The following RPS9 variants were observed in gnomAD, a reference collection of about 807,000 sequenced individuals.
RPS9 encodes small ribosomal subunit protein uS4.
Under a neutral mutation model 16.9 loss-of-function variants are expected in RPS9, and 1 was observed. The observed-to-expected ratio is 0.06, with a 90% CI of 0.02 to 0.28. The LOEUF (loss-of-function observed/expected upper bound fraction) is 0.28, where lower values mean the gene tolerates loss of function less well. Ranked by LOEUF, RPS9 falls within the 10% of genes least tolerant of loss-of-function variation. The pLI, the probability that RPS9 is intolerant of heterozygous loss-of-function variation, is 1.00. For synonymous variants in RPS9, 106 were observed against 110.9 expected (o/e 0.96, Z 0.28); for missense variants, 137 against 273.2 (o/e 0.50, Z 3.51).
intron 3 of RPS9, 106 bp from the exon 4 acceptor site, chr19:54,206,170 T>G: frequency 9.0e-7 from 1 of 1,115,710 alleles, no homozygotes; most frequent in African/African-American, 1.6e-5. Context: ...GTACTACTTG[T>G]GCCTCACCGC....
At chr19:54,202,298 G>A (rs1187042996) in intron 3 of RPS9, 3 of 379,220 alleles carry the variant, frequency 7.9e-6, no homozygotes, top group Admixed American at 1.3e-4. Flanking sequence ...CGATTCTCCT[G>A]TCTTAGCCTC....
In RPS9 at chr19:54,201,202, C is replaced by A; in HGVS notation, c.18C>A (p.Ser6Arg). The A allele has an allele frequency of 6.2e-7, 1 of 1,609,268 alleles. No homozygotes were observed. Among genetic ancestry groups the A allele is most frequent in the Non-Finnish European group, 8.5e-7 (1 of 1,176,338 alleles). Reference sequence around the variant, plus strand: ...GAGCCAACATGCCAGTGGCCCGGAGCTGGGTTTGTCGCAAAACTTATGTGA... The same window carrying A: ...GAGCCAACATGCCAGTGGCCCGGAGATGGGTTTGTCGCAAAACTTATGTGA... MPVARSWVCRKTYVTP... is the reference protein window; with the variant it reads MPVARRWVCRKTYVTP... Residue 6 changes from serine to arginine, a missense_variant, in exon 2 of 5, where the codon AGC becomes AGA. Ser to Arg is a moderately radical substitution (Grantham distance 110, BLOSUM62 -1). Around this residue, in one of 3 missense-constraint regions of RPS9, gnomAD observed 64 missense variants for 164.0 expected, o/e 0.39. Transcript: ENST00000302907.
At chr19:54,205,112 C>T (rs997247232) in intron 3 of RPS9, among the ~76,000 whole-genome samples, 2 of 152,038 alleles carry the variant, frequency 1.3e-5, no homozygotes, top group Non-Finnish European at 2.9e-5. Flanking sequence ...TAGTAAGAGC[C>T]ACTTTTTATA....
In RPS9 at chr19:54,204,761, G is replaced by T. The variant is rs138318998; in HGVS notation, c.221-1515G>T. ...ATGTAAAGACAAAAAGGCGTGAAGTGTCCAAAGAGGTAAATGGTCCCAAAC... is the reference window on the plus strand; with the variant it reads ...ATGTAAAGACAAAAAGGCGTGAAGTTTCCAAAGAGGTAAATGGTCCCAAAC... On this transcript the variant is annotated intron_variant, in intron 3 of 4. Transcript: ENST00000302907. Among the ~76,000 whole-genome samples, 18 of 152,300 alleles carry T rather than the reference G, an allele frequency of 1.2e-4. No homozygotes were observed. In the East Asian group the frequency reaches 2.1e-3, roughly 18 times the overall value.
At chr19:54,204,864 A>T (rs1263032349) in intron 3 of RPS9, among the ~76,000 whole-genome samples, 3 of 152,192 alleles carry the variant, frequency 2.0e-5, no homozygotes, top group Non-Finnish European at 2.9e-5. Context: ...TTGAGTTAAA[A>T]AAGAACAAAA....
intron 3 of RPS9, chr19:54,202,233 G>A (rs186533659): frequency 1.2e-5 from 2 of 165,470 alleles, no homozygotes; most frequent in Admixed American, 1.3e-4. Context: ...TGCCCATGCT[G>A]GAGTGTAGTT....
Position 54,206,256 on chromosome 19 carries a change from TTTC to T in RPS9, c.221-19_221-17del. Reference sequence around the variant, plus strand: ...CTGAGGTCAGAAGGCGGAATCAGTGTTTCCTCCCACTCTTCCCAGGCAACGCCC... The same window carrying T: ...CTGAGGTCAGAAGGCGGAATCAGTGTCTCCCACTCTTCCCAGGCAACGCCC... On this transcript the variant is annotated splice_polypyrimidine_tract_variant and intron_variant, in intron 3 of 4. Transcript: ENST00000302907. 1.9e-6 allele frequency: 3 copies of T among 1,607,876 alleles called. No individual in the cohort carries two copies. Among genetic ancestry groups the T allele is most frequent in the Non-Finnish European group, 2.6e-6 (3 of 1,175,330 alleles).
chr19:54,204,460 G>C (rs2077173344), intron 3 of RPS9, among the ~76,000 whole-genome samples: 1 of 152,196 alleles, frequency 6.6e-6, no homozygotes, highest in Non-Finnish European at 1.5e-5. Flanking sequence ...CTGGAGCACA[G>C]TGGCATGGTC....
At chr19:54,201,038 T>G (rs1181990623) in intron 1 of RPS9, 122 bp from the exon 2 acceptor site, 2 of 1,484,448 alleles carry the variant, frequency 1.3e-6, no homozygotes, top group Non-Finnish European at 8.9e-7. Context: ...AGATACTGAC[T>G]ATGAGAGCGT....
chr19:54,204,306 A>G (rs2077167574), intron 3 of RPS9, among the ~76,000 whole-genome samples: 2 of 152,232 alleles, frequency 1.3e-5, no homozygotes, highest in Admixed American at 1.3e-4. Flanking sequence ...CGGAGTTTGC[A>G]GTGAGCCGAG....
intron 3 of RPS9, chr19:54,202,618 C>G: frequency 1.0e-6 from 1 of 985,382 alleles, no homozygotes; most frequent in African/African-American, 1.7e-5. Flanking sequence ...AAAATCTACT[C>G]TGAGATGCGG....
chr19:54,203,131 C>A lies in RPS9; in HGVS notation c.220+1522C>A, dbSNP rs1049582655. The A allele has an allele frequency of 1.1e-5, 11 of 968,980 alleles. No homozygotes were observed. In the African/African-American group the frequency reaches 1.9e-4, roughly 17 times the overall value. 60.0% of individuals were successfully genotyped at this position (968,980 alleles called of 1,614,324 possible). On this transcript the variant is annotated intron_variant, in intron 3 of 4. Coordinates refer to ENST00000302907, the MANE Select transcript of RPS9 (RefSeq NM_001013.4). The stretch of plus-strand genomic sequence containing the variant: ...TGTGGGGAGTGGGCTATAGCTGGTT[C>A]TGGTTTTAGGGAGGACTTTCTGGAC...
At chr19:54,206,632 GC>G (rs773855382) in intron 4 of RPS9, 170 bp downstream of exon 4, 37 of 1,550,712 alleles carry the variant, frequency 2.4e-5, no homozygotes, top group Non-Finnish European at 3.2e-5. Context: ...AGCTGGGGCA[GC>G]CTCTTGCCCC....
intron 3 of RPS9, chr19:54,202,044 C>G (rs67627137): frequency 0.31 from 49,406 of 160,684 alleles, 8,923 homozygotes; most frequent in East Asian, 0.43. Flanking sequence ...TCTTTTGAGA[C>G]GGAGTCTTGC....
intron 3 of RPS9, chr19:54,201,925 T>G: frequency 2.7e-6 from 1 of 374,230 alleles, no homozygotes; most frequent in Non-Finnish European, 4.8e-6. Context: ...TGCTAGTGGA[T>G]GAGAGTAGAC....
chr19:54,202,971 T>C, intron 3 of RPS9: 1 of 966,362 alleles, frequency 1.0e-6, no homozygotes, highest in Non-Finnish European at 1.2e-6. Flanking sequence ...GTGCTGGGGT[T>C]ACAGGTGTAA....
intron 3 of RPS9, among the ~76,000 whole-genome samples, chr19:54,204,800 C>G (rs1600760833): frequency 6.6e-6 from 1 of 152,002 alleles, no homozygotes; most frequent in Admixed American, 6.6e-5. Context: ...TTTTCATTGC[C>G]TTTTGGACAT....
In RPS9 at chr19:54,207,439, G is replaced by A. The variant is rs549353125; in HGVS notation, c.449G>A (p.Arg150His). The A allele has an allele frequency of 1.2e-6, 2 of 1,613,628 alleles. No homozygotes were observed. The highest frequency in any genetic ancestry group is 1.7e-6 in the Non-Finnish European group (2 of 1,179,858). ...QVVNIPSFIV[R>H]LDSQKHIDFS... ...GTGAACATCCCGTCCTTCATTGTCC[G>A]CCTGGATTCCCAGAAGCACATCGAC... is the stretch of plus-strand genomic sequence containing the variant. Residue 150 changes from arginine (R) to histidine (H), a missense_variant, in exon 5 of 5, where the codon CGC (arginine) becomes CAC (histidine). Transcript: ENST00000302907.
rs374326081 is a variant in RPS9, at chr19:54,202,372, A to G, written c.220+763A>G. ...GGCTAATTTTCTATTATTAGTGGAG[A>G]TGGGTTTTCACCATGTTGTCCAGGC... On this transcript the variant is annotated intron_variant, in intron 3 of 4. Coordinates refer to ENST00000302907, the MANE Select transcript of RPS9 (RefSeq NM_001013.4). 8.5e-6 allele frequency: 8 copies of G among 938,770 alleles called. 1 individual carries two copies. Among genetic ancestry groups the G allele is most frequent in the East Asian group, 1.2e-4 (1 of 8,566 alleles). 58.2% of individuals were successfully genotyped at this position (938,770 alleles called of 1,614,324 possible).
Sources: allele counts gnomAD v4.1 joint callset (sites outside exome capture counted in the v4.1 genomes callset), GRCh38; gene constraint gnomAD v4.1.1; regional missense constraint gnomAD v4.1.1; transcripts MANE v1.5; gene names NCBI Gene and HGNC (gene_info 2026-07-23, HGNC 2026-07-21).